IQANK1: variants seen among roughly 807,000 people sequenced by gnomAD.
IQANK1 encodes the protein IQ motif and ankyrin repeat domain-containing protein 1.
In IQANK1, 30 loss-of-function variants were observed where a neutral mutation model predicts 22.6. The ratio of observed to expected loss-of-function variants is 1.33; its 90% confidence interval spans 0.99 to 1.80. The LOEUF is 1.80. Ranked by LOEUF, IQANK1 falls within the 40% of genes most tolerant of loss-of-function variation. The probability of loss-of-function intolerance (pLI) is 0.00; values close to 1 mark genes in which losing one functional copy is unlikely to be tolerated. For synonymous variants in IQANK1, 122 were observed against 99.6 expected (o/e 1.23, Z -1.34); for missense variants, 275 against 235.2 (o/e 1.17, Z -1.11).
intron 3 of IQANK1, among the ~76,000 whole-genome samples, chr8:143,767,014 C>T (rs1415369806): frequency 1.3e-5 from 2 of 152,258 alleles, no homozygotes; most frequent in East Asian, 3.8e-4. Flanking sequence ...TCTGAACCCA[C>T]GGCCACTGGT....
chr8:143,772,226 G>A lies in IQANK1; in HGVS notation c.646G>A (p.Ala216Thr), dbSNP rs1265861354. Reference protein sequence around the residue: ...LAIQLRAELGASPNSKGAFGP... With the variant: ...LAIQLRAELGTSPNSKGAFGP... Reference sequence around the variant, plus strand: ...CATCCAGCTGCGGGCCGAGCTCGGCGCCAGCCCCAACAGCAAGGTGGGCGC... The same window carrying A: ...CATCCAGCTGCGGGCCGAGCTCGGCACCAGCCCCAACAGCAAGGTGGGCGC... Residue 216 changes from alanine to threonine, a missense_variant, in exon 6 of 14, where the codon GCC becomes ACC. Coordinates refer to ENST00000527139, the MANE Select transcript of IQANK1 (RefSeq NM_001381874.1). The A allele has an allele frequency of 1.0e-5, 4 of 395,562 alleles. No homozygotes were observed. Among genetic ancestry groups the A allele is most frequent in the Non-Finnish European group, 1.8e-5 (4 of 224,148 alleles). The allele number at this position is 395,562 out of a possible 1,614,324, so 24.5% of individuals were successfully genotyped here.
At chr8:143,780,902 A>T (rs1053406249) in intron 7 of IQANK1, among the ~76,000 whole-genome samples, 2 of 152,176 alleles carry the variant, frequency 1.3e-5, no homozygotes, top group Admixed American at 1.3e-4. Context: ...GAATTCCCAT[A>T]CTGCTTTCCA....
intron 3 of IQANK1, among the ~76,000 whole-genome samples, chr8:143,767,866 T>C (rs1199032794): frequency 3.0e-5 from 4 of 134,664 alleles, no homozygotes; most frequent in East Asian, 2.3e-4. Flanking sequence ...GCCTGGACGA[T>C]GGAGCGAGAC....
At chr8:143,743,642 TC>T (rs1213709061) in intron 3 of IQANK1, among the ~76,000 whole-genome samples, 11 of 152,202 alleles carry the variant, frequency 7.2e-5, no homozygotes, top group Admixed American at 2.6e-4. Context: ...AAGCTGAACT[TC>T]CGTAGATCTG....
At chr8:143,751,441 G>A (rs920571847) in intron 3 of IQANK1, among the ~76,000 whole-genome samples, 7 of 151,556 alleles carry the variant, frequency 4.6e-5, no homozygotes, top group East Asian at 1.9e-4. Context: ...GTGAAACCCC[G>A]TCTCTACTAA....
At chr8:143,737,415 G>A (rs1290638185) in intron 2 of IQANK1, among the ~76,000 whole-genome samples, 8 of 152,216 alleles carry the variant, frequency 5.3e-5, no homozygotes, top group African/African-American at 1.9e-4. Flanking sequence ...TGCCCTCAGT[G>A]CCCATTTCCA....
chr8:143,770,519 T>G (rs1819551953), intron 3 of IQANK1, among the ~76,000 whole-genome samples: 1 of 152,094 alleles, frequency 6.6e-6, no homozygotes, highest in Non-Finnish European at 1.5e-5. Flanking sequence ...TGCAGGGTCT[T>G]CCGCGTCTCC....
chr8:143,750,678 G>A (rs1819171331), intron 3 of IQANK1, among the ~76,000 whole-genome samples: 1 of 152,110 alleles, frequency 6.6e-6, no homozygotes. Flanking sequence ...GCCAGGCATG[G>A]TGGCATGTGC....
rs1413780163 is a variant in IQANK1, at chr8:143,774,284, C to A, written c.789+1802C>A. The stretch of plus-strand genomic sequence containing the variant: ...AAAAGAAGCCACAGGCAGGAGCAAA[C>A]GTTTGTGAACCACGCATCTGGCAAG... On this transcript the variant is annotated intron_variant, in intron 7 of 13. Transcript: ENST00000527139. This position sits in a 1 kb window ranked among gnomAD's most constrained non-coding sequence, Gnocchi z 4.2. Among the ~76,000 whole-genome samples the A allele has an allele frequency of 1.3e-5, 2 of 152,022 alleles. No individual in the cohort carries two copies. The highest frequency in any genetic ancestry group is 3.8e-4 in the East Asian group (2 of 5,200).
rs1275183140 is a variant in IQANK1 at position 143,771,425 on chromosome 8, CA to C, written c.176-62del. 1 of 395,014 alleles carries C rather than the reference CA, an allele frequency of 2.5e-6. No individual in the cohort carries two copies. Among genetic ancestry groups the C allele is most frequent in the African/African-American group, 2.1e-5 (1 of 48,382 alleles). 24.5% of individuals were successfully genotyped at this position (395,014 alleles called of 1,614,324 possible). A position where few individuals can be genotyped will look rare whatever the true frequency, so the allele number is the denominator to read the frequency against. On this transcript the variant is annotated intron_variant, in intron 3 of 13. Transcript: ENST00000527139. This position sits in a 1 kb window ranked among gnomAD's most constrained non-coding sequence, Gnocchi z 6.0. ...GCGGGGGCGGGGCCGGCTCCACTCC[CA>C]GGGGCGCAGCAGGCGTGGCTGGAGG...
At chr8:143,759,402 GTC>G (rs1488293770) in intron 3 of IQANK1, 1 of 153,918 alleles carries the variant, frequency 6.5e-6, no homozygotes, top group African/African-American at 2.4e-5. Flanking sequence ...CTGGAGGAGA[GTC>G]CTATGTCTGA....
At chr8:143,747,126 G>A (rs781862867) in intron 3 of IQANK1, among the ~76,000 whole-genome samples, 42 of 152,092 alleles carry the variant, frequency 2.8e-4, no homozygotes, top group Non-Finnish European at 5.7e-4. Flanking sequence ...TGATCCACCC[G>A]CCTTGGCCTC....
At chr8:143,780,920 T>C (rs1554630877) in intron 7 of IQANK1, among the ~76,000 whole-genome samples, 1 of 152,226 alleles carries the variant, frequency 6.6e-6, no homozygotes, top group African/African-American at 2.4e-5. Flanking sequence ...CCACAGTGGC[T>C]GAACTAATTT....
At position 143,756,548 on chromosome 8, in the gene IQANK1, C is replaced by T. The variant is rs568427193; in HGVS notation, c.176-14940C>T. ...GTGTACCATGAATTGCTGGTACACA[C>T]GCCCAACCTCGTGGCTTGGTGGGTC... On this transcript the variant is annotated intron_variant, in intron 3 of 13. Coordinates refer to ENST00000527139, the MANE Select transcript of IQANK1 (RefSeq NM_001381874.1). Among the ~76,000 whole-genome samples the T allele has an allele frequency of 8.1e-4, 124 of 152,194 alleles. 1 individual carries two copies. Among genetic ancestry groups the T allele is most frequent in the African/African-American group, 2.8e-3 (117 of 41,520 alleles).
intron 3 of IQANK1, among the ~76,000 whole-genome samples, chr8:143,747,541 C>T (rs1363834350): frequency 6.6e-6 from 1 of 152,140 alleles, no homozygotes; most frequent in African/African-American, 2.4e-5. Flanking sequence ...GCTGCATCTC[C>T]TAAGGTTGGT....
intron 3 of IQANK1, among the ~76,000 whole-genome samples, chr8:143,763,948 G>T (rs1819440980): frequency 6.6e-6 from 1 of 152,088 alleles, no homozygotes; most frequent in South Asian, 2.1e-4. Flanking sequence ...TGTTATACGA[G>T]ATATGATAAT....
intron 7 of IQANK1, among the ~76,000 whole-genome samples, chr8:143,784,198 T>C (rs945025302): frequency 1.3e-5 from 2 of 152,040 alleles, no homozygotes; most frequent in African/African-American, 4.8e-5. Context: ...CCAAATCTCA[T>C]GTCAAATTGT....
At chr8:143,759,472 AG>A (rs1352550098) in intron 3 of IQANK1, 1 of 152,442 alleles carries the variant, frequency 6.6e-6, no homozygotes, top group Admixed American at 6.5e-5. Context: ...TATCTGGGCA[AG>A]GGCCCCACAT....
chr8:143,756,020 C>T (rs1819286231), intron 3 of IQANK1, among the ~76,000 whole-genome samples: 1 of 152,214 alleles, frequency 6.6e-6, no homozygotes, highest in South Asian at 2.1e-4. Flanking sequence ...TGCATGGTTT[C>T]AACCTCCTGA....
Sources: gnomAD v4.1 joint callset for allele counts (sites outside exome capture counted in the v4.1 genomes callset) on GRCh38, gnomAD v4.1.1 for gene constraint, Gnocchi (gnomAD v3.1) non-coding constraint, MANE v1.5 for transcripts, NCBI Gene and HGNC (gene_info 2026-07-23, HGNC 2026-07-21) for gene names.